The following RADX variants were observed in gnomAD, a reference collection of about 807,000 sequenced individuals.
RADX encodes RPA-related protein RADX.
Under a neutral mutation model 61.6 loss-of-function variants are expected in RADX, and 36 were observed. That is an observed-to-expected ratio of 0.58 (90% confidence interval 0.45 to 0.77). The LOEUF is 0.77. Ranked by LOEUF, RADX falls within the 30% of genes least tolerant of loss-of-function variation. The probability of loss-of-function intolerance (pLI) is 0.00; values close to 1 mark genes in which losing one functional copy is unlikely to be tolerated. For synonymous variants in RADX, 272 were observed against 237.9 expected, an observed-to-expected ratio of 1.14 and a Z score of -1.32; for missense variants, 497 against 651.1, an observed-to-expected ratio of 0.76 and a Z score of 2.58.
chrX:106,625,279 A>G lies in RADX; in HGVS notation c.976A>G (p.Met326Val), dbSNP rs1167086272. The G allele has an allele frequency of 3.5e-6, 4 of 1,147,307 alleles. No individual in the cohort carries two copies. The highest frequency in any genetic ancestry group is 3.1e-5 in the East Asian group (1 of 32,774). 94.6% of individuals were successfully genotyped at this position (1,147,307 alleles called of 1,213,427 possible). A position where few individuals can be genotyped will look rare whatever the true frequency, so the allele number is the denominator to read the frequency against. Reference protein sequence around the residue: ...VDPQIKLISTMEICLNLRDPP... With the variant: ...VDPQIKLISTVEICLNLRDPP... ...TCCACAGATCAAACTAATTTCTACA[A>G]TGGGTTAAGTATTCCATGAATTTGT... Residue 326 changes from methionine (M) to valine (V), a missense_variant, in exon 3 of 14, where the codon ATG becomes GTG. Around this residue, in one of 3 missense-constraint regions of RADX, gnomAD observed 196 missense variants for 315.0 expected, o/e 0.62. Transcript: ENST00000372548.
chrX:106,655,559 T>C (rs949597948), intron 11 of RADX, among the ~76,000 whole-genome samples: 43 of 109,623 alleles, frequency 3.9e-4, no homozygotes, highest in Non-Finnish European at 7.0e-4. Context: ...TTCTCATTGT[T>C]CAATTCCCAC....
chrX:106,639,858 T>C, intron 9 of RADX, 171 bp downstream of exon 9: 1 of 311,892 alleles, frequency 3.2e-6, no homozygotes. Context: ...CCTATAAAAG[T>C]AATGGCAAAA....
At chrX:106,650,863 G>T (rs73529278) in intron 11 of RADX, among the ~76,000 whole-genome samples, 1,688 of 111,444 alleles carry the variant, frequency 0.015, 31 homozygotes, top group African/African-American at 0.053. Flanking sequence ...TGCAGATGAA[G>T]AAATAATTTA....
intron 3 of RADX, among the ~76,000 whole-genome samples, chrX:106,630,896 CT>C (rs1375839762): frequency 9.0e-6 from 1 of 111,220 alleles, no homozygotes; most frequent in Non-Finnish European, 1.9e-5. Context: ...ACATATGCCC[CT>C]GAACCTAAAA....
At chrX:106,664,745 A>C (rs1181027729) in intron 12 of RADX, among the ~76,000 whole-genome samples, 2 of 109,455 alleles carry the variant, frequency 1.8e-5, no homozygotes, top group Admixed American at 9.8e-5. Context: ...CATCTACAAG[A>C]GGCCTATTCC....
chrX:106,618,515 C>T (rs1477304485), intron 1 of RADX, among the ~76,000 whole-genome samples: 5 of 111,017 alleles, frequency 4.5e-5, no homozygotes, highest in Admixed American at 1.9e-4. Context: ...TGGCTCATGC[C>T]TGTAATCCTA....
chrX:106,648,057 TTA>T (rs1456026346), intron 10 of RADX, among the ~76,000 whole-genome samples: 16 of 111,354 alleles, frequency 1.4e-4, no homozygotes, highest in Non-Finnish European at 2.3e-4. Flanking sequence ...TTATCTTCAG[TTA>T]ATATTTAATA....
chrX:106,659,390 A>G (rs1339753717), intron 11 of RADX, among the ~76,000 whole-genome samples: 1 of 112,164 alleles, frequency 8.9e-6, no homozygotes, highest in Non-Finnish European at 1.9e-5. Flanking sequence ...CTTACGACCT[A>G]AATGTAAATG....
In RADX at chrX:106,612,434, A is replaced by G. The variant is rs764227012; in HGVS notation, c.354A>G (p.Val118=). The G allele has an allele frequency of 2.5e-6, 3 of 1,209,876 alleles. No individual in the cohort carries two copies. Among genetic ancestry groups the G allele is most frequent in the East Asian group, 3.0e-5 (1 of 33,765 alleles). The change falls in exon 1 of 14, where the codon GTA becomes GTG. Residue 118 remains valine, a synonymous_variant. Transcript: ENST00000372548. ...CYLDPSLNSL[V]YQNILKVGIQ... ...TGGACCCCAGCTTGAACTCTCTCGT[A>G]TATCAAAATATTCTTAAAGTTGGCA...
intron 1 of RADX, among the ~76,000 whole-genome samples, chrX:106,619,160 G>A (rs1352885345): frequency 9.1e-6 from 1 of 110,235 alleles, no homozygotes; most frequent in East Asian, 2.8e-4. Context: ...AATTTTATGG[G>A]TACATAGTAG....
In RADX at chrX:106,662,227, C is replaced by T; in HGVS notation, c.2191C>T (p.Pro731Ser). The change falls in exon 12 of 14, where the codon CCA becomes TCA. Residue 731 changes from proline (P) to serine (S), a missense_variant. Around this residue, in one of 3 missense-constraint regions of RADX, gnomAD observed 267 missense variants for 306.9 expected, o/e 0.87. Transcript: ENST00000372548. ...TAATTCTCAGCCTGCGAAATATGTA[C>T]CACCAGAAGGAAGGCCCCCAAAACT... ...QYNSQPAKYV[P>S]PEGRPPKLDD... 3 of 1,210,688 alleles carry T rather than the reference C, an allele frequency of 2.5e-6. No homozygotes were observed. Among genetic ancestry groups the T allele is most frequent in the South Asian group, 1.8e-5 (1 of 56,934 alleles).
intron 7 of RADX, 93 bp from the exon 8 acceptor site, chrX:106,637,667 T>C (rs1365613272): frequency 5.5e-6 from 4 of 723,520 alleles, no homozygotes; most frequent in Non-Finnish European, 8.1e-6. Flanking sequence ...ATTGTTTTAA[T>C]AGTAAACTGT....
rs1487409384 is a variant in RADX at position 106,678,667 on chromosome X, T to G, written c.*409T>G. Reference sequence around the variant, plus strand: ...TTTTATTCACATATAATGGGAAATTTTGAATTGCCAGTTTGAAGACTGTTC... The same window carrying G: ...TTTTATTCACATATAATGGGAAATTGTGAATTGCCAGTTTGAAGACTGTTC... On this transcript the variant is annotated 3_prime_UTR_variant, in exon 14 of 14. Transcript: ENST00000372548. 8.7e-6 allele frequency: 1 copy of G among 115,494 alleles called. No individual in the cohort carries two copies. The highest frequency in any genetic ancestry group is 1.8e-5 in the Non-Finnish European group (1 of 55,346). 9.5% of individuals were successfully genotyped at this position (115,494 alleles called of 1,213,427 possible). A position where few individuals can be genotyped will look rare whatever the true frequency, so the allele number is the denominator to read the frequency against.
At chrX:106,625,347 T>C (rs1927052080) in intron 3 of RADX, 65 bp downstream of exon 3, 1 of 784,377 alleles carries the variant, frequency 1.3e-6, no homozygotes, top group Admixed American at 3.8e-5. Flanking sequence ...CAATGTACCA[T>C]ATTAGGAAAA....
At chrX:106,663,367 A>C (rs190988056) in intron 12 of RADX, among the ~76,000 whole-genome samples, 1 of 111,762 alleles carries the variant, frequency 8.9e-6, no homozygotes, top group African/African-American at 3.2e-5. Context: ...TCCATTAGAC[A>C]ATCACAGACC....
rs779494791 is a variant in RADX, at chrX:106,639,669, A to C, written c.1716A>C (p.Ser572=). Residue 572 remains serine (S), a synonymous_variant, in exon 9 of 14, where the codon TCA becomes TCC. Transcript: ENST00000372548. ...IPHSSATESA[S]ASETLRNANR... ...ATAGCAGTGCGACTGAAAGTGCCTC[A>C]GCATCAGAAACACTTCGGGTATGGT... 12 of 1,188,380 alleles carry C rather than the reference A, an allele frequency of 1.0e-5. No homozygotes were observed. The highest frequency in any genetic ancestry group is 1.4e-5 in the Non-Finnish European group (12 of 884,871).
In RADX at chrX:106,678,468, T is replaced by G; in HGVS notation, c.*210T>G. 3.3e-6 allele frequency: 1 copy of G among 305,818 alleles called. No individual in the cohort carries two copies. The highest frequency in any genetic ancestry group is 5.7e-6 in the Non-Finnish European group (1 of 174,365). 25.2% of individuals were successfully genotyped at this position (305,818 alleles called of 1,213,427 possible). On this transcript the variant is annotated 3_prime_UTR_variant, in exon 14 of 14. Coordinates refer to ENST00000372548, the MANE Select transcript of RADX (RefSeq NM_018015.6). Reference sequence around the variant, plus strand: ...TATTGAAAAAGGTCATCAAAATAATTTTTGTGTATAAGGGAATTTACCTTG... The same window carrying G: ...TATTGAAAAAGGTCATCAAAATAATGTTTGTGTATAAGGGAATTTACCTTG...
chrX:106,670,345 T>C (rs1293254440), intron 13 of RADX, among the ~76,000 whole-genome samples: 3 of 111,053 alleles, frequency 2.7e-5, no homozygotes, highest in Non-Finnish European at 5.7e-5. Flanking sequence ...TCATGTTTCA[T>C]ATAATATCCA....
intron 11 of RADX, among the ~76,000 whole-genome samples, chrX:106,655,329 A>AT (rs200737498): frequency 0.066 from 6,143 of 93,142 alleles, 520 homozygotes; most frequent in African/African-American, 0.23. Context: ...TATTAGCTTT[A>AT]TTTTTTTTTC....
Sources: allele counts gnomAD v4.1 joint callset (sites outside exome capture counted in the v4.1 genomes callset), GRCh38; gene constraint gnomAD v4.1.1; regional missense constraint gnomAD v4.1.1; transcripts MANE v1.5; gene names NCBI Gene and HGNC (gene_info 2026-07-23, HGNC 2026-07-21).